GRID1: variants seen among roughly 807,000 people sequenced by gnomAD.
GRID1 encodes glutamate ionotropic receptor delta type subunit 1, also known as glutamate receptor ionotropic, delta-1.
Under a neutral mutation model 98.0 loss-of-function variants are expected in GRID1, and 28 were observed. The observed-to-expected ratio is 0.29, with a 90% CI of 0.21 to 0.39. The LOEUF is 0.39. Ranked by LOEUF, GRID1 falls within the 10% of genes least tolerant of loss-of-function variation. GRID1 has a pLI of 1.00. For missense variants in GRID1, 1,111 were observed against 1,340.5 expected, an observed-to-expected ratio of 0.83 and a Z score of 2.67; for synonymous variants, 553 against 538.5, an observed-to-expected ratio of 1.03 and a Z score of -0.37.
chr10:85,647,998 G>T (rs1440203763), intron 12 of GRID1: 2 of 152,156 alleles, frequency 1.3e-5, no homozygotes, highest in African/African-American at 2.4e-5. Context: ...GACTTCGAAT[G>T]CTCCCCTCCC....
intron 4 of GRID1, among the ~76,000 whole-genome samples, chr10:85,993,577 C>T (rs1842706832): frequency 6.6e-6 from 1 of 152,122 alleles, no homozygotes; most frequent in African/African-American, 2.4e-5. Flanking sequence ...TACTACTGCT[C>T]CTACTCTATA....
intron 4 of GRID1, among the ~76,000 whole-genome samples, chr10:86,099,043 T>A (rs2131943568): frequency 6.6e-6 from 1 of 152,322 alleles, no homozygotes; most frequent in African/African-American, 2.4e-5. Context: ...GGATTCGTAA[T>A]CCCCATTTTA....
At chr10:85,617,727 T>A (rs1015943283) in intron 14 of GRID1, among the ~76,000 whole-genome samples, 4 of 152,168 alleles carry the variant, frequency 2.6e-5, no homozygotes, top group African/African-American at 9.7e-5. Flanking sequence ...TAGTAATCAA[T>A]CACTACTTGC....
rs1437713586 is a variant in GRID1 at position 85,600,036 on chromosome 10, C to T, written c.*2237G>A. 2 of 151,616 alleles carry T rather than the reference C, an allele frequency of 1.3e-5. No individual in the cohort carries two copies. Among genetic ancestry groups the T allele is most frequent in the Non-Finnish European group, 2.9e-5 (2 of 67,960 alleles). The allele number at this position is 151,616 out of a possible 1,614,324, so 9.4% of individuals were successfully genotyped here. On this transcript the variant is annotated 3_prime_UTR_variant, in exon 16 of 16. Transcript: ENST00000327946. ...AGAACCATCCAAGAAGACATCCAAG[C>T]TATACCCCAGAAGACAGGCCATCTC... is the stretch of plus-strand genomic sequence containing the variant.
intron 12 of GRID1, among the ~76,000 whole-genome samples, chr10:85,659,491 T>A (rs888969585): frequency 2.0e-5 from 3 of 152,188 alleles, no homozygotes; most frequent in Non-Finnish European, 2.9e-5. Flanking sequence ...TGTTTGTGGA[T>A]CTGAGCAGTC....
chr10:86,319,542 C>T (rs550516493), intron 2 of GRID1, among the ~76,000 whole-genome samples: 1 of 152,194 alleles, frequency 6.6e-6, no homozygotes, highest in East Asian at 1.9e-4. Flanking sequence ...CTGCCCCAGG[C>T]CCCGGGAAAA....
intron 13 of GRID1, among the ~76,000 whole-genome samples, chr10:85,620,919 G>A (rs1168681288): frequency 6.6e-6 from 1 of 152,178 alleles, no homozygotes; most frequent in African/African-American, 2.4e-5. Context: ...CAGGTTTCTG[G>A]TGTCACTATC....
rs535362893 is a variant in GRID1, at chr10:85,876,692, G to C, written c.781-7512C>G. Among the ~76,000 whole-genome samples the C allele has an allele frequency of 2.0e-5, 3 of 152,314 alleles. No individual in the cohort carries two copies. The East Asian group carries it at 5.8e-4, about 29-fold the overall frequency. On this transcript the variant is annotated intron_variant, in intron 5 of 15. Transcript: ENST00000327946. ...CCAGCGTGAGTGACACAGAAGACAG[G>C]TGATTTCTGCATTTCCATCTGGGGT...
chr10:85,933,707 A>G (rs1841889411), intron 4 of GRID1, among the ~76,000 whole-genome samples: 1 of 152,208 alleles, frequency 6.6e-6, no homozygotes, highest in African/African-American at 2.4e-5. Context: ...TCACTTCTAG[A>G]AGGGAAGAAT....
At chr10:86,213,962 T>C (rs1182195236) in intron 2 of GRID1, among the ~76,000 whole-genome samples, 1 of 152,082 alleles carries the variant, frequency 6.6e-6, no homozygotes, top group Non-Finnish European at 1.5e-5. Context: ...CTCCCAAATA[T>C]ATCTTGAGCC....
At chr10:85,775,495 TA>T (rs1195719929) in intron 8 of GRID1, among the ~76,000 whole-genome samples, 1 of 151,330 alleles carries the variant, frequency 6.6e-6, no homozygotes, top group East Asian at 1.9e-4. Context: ...AAATAAAATT[TA>T]AAAAAAAGAT....
chr10:85,715,814 A>G (rs1359568242), intron 12 of GRID1, among the ~76,000 whole-genome samples: 1 of 152,226 alleles, frequency 6.6e-6, no homozygotes. Flanking sequence ...TACAGAGCCA[A>G]AGAAGATGAA....
intron 4 of GRID1, among the ~76,000 whole-genome samples, chr10:85,918,079 C>T (rs770006710): frequency 6.6e-6 from 1 of 152,232 alleles, no homozygotes; most frequent in Non-Finnish European, 1.5e-5. Flanking sequence ...TAGCTCACCT[C>T]GATTCCCAAC....
Position 86,257,811 on chromosome 10 carries a change from C to T in GRID1, c.236-51163G>A, listed in dbSNP as rs545642495. 1.1e-4 allele frequency among the ~76,000 whole-genome samples: 17 copies of T among 152,192 alleles called. 1 individual carries two copies. The highest frequency in any genetic ancestry group is 3.9e-4 in the Admixed American group (6 of 15,298). ...AGACTAAGTGTGAAGATGACATGAG[C>T]GCCAACTCCAGACACCTAAAAGGAT... On this transcript the variant is annotated intron_variant, in intron 2 of 15. Coordinates refer to ENST00000327946, the MANE Select transcript of GRID1 (RefSeq NM_017551.3).
At chr10:86,306,152 T>C (rs575117721) in intron 2 of GRID1, among the ~76,000 whole-genome samples, 24 of 152,204 alleles carry the variant, frequency 1.6e-4, no homozygotes, top group Non-Finnish European at 2.6e-4. Flanking sequence ...GTCAAGGCTT[T>C]GGGCAAACAA....
At chr10:86,117,086 TACC>T (rs1044683014) in intron 4 of GRID1, among the ~76,000 whole-genome samples, 27 of 130,330 alleles carry the variant, frequency 2.1e-4, no homozygotes, top group African/African-American at 5.2e-4. Flanking sequence ...ACAACACCTT[TACC>T]ACCACCACCA....
chr10:85,854,683 G>A, intron 7 of GRID1, 68 bp from the exon 8 acceptor site: 2 of 1,549,396 alleles, frequency 1.3e-6, no homozygotes, highest in Non-Finnish European at 1.8e-6. Flanking sequence ...CAAAGGCTAA[G>A]AGGAGCAAGG....
intron 4 of GRID1, among the ~76,000 whole-genome samples, chr10:86,131,324 G>C (rs191567863): frequency 2.2e-4 from 34 of 152,234 alleles, no homozygotes; most frequent in Admixed American, 4.6e-4. Flanking sequence ...GAGCAGAAAG[G>C]GTAATTGAGC....
At chr10:85,878,570 TGA>T (rs1426315412) in intron 5 of GRID1, among the ~76,000 whole-genome samples, 4 of 152,106 alleles carry the variant, frequency 2.6e-5, no homozygotes, top group Non-Finnish European at 5.9e-5. Context: ...AAGCAAATGC[TGA>T]GAGATTTTGT....
Sources: gnomAD v4.1 joint callset for allele counts (sites outside exome capture counted in the v4.1 genomes callset) on GRCh38, gnomAD v4.1.1 for gene constraint, MANE v1.5 for transcripts, NCBI Gene and HGNC (gene_info 2026-07-23, HGNC 2026-07-21) for gene names.